Variants in ARHGEF10L observed in about 807,000 individuals in gnomAD.
The protein encoded by ARHGEF10L is Rho guanine nucleotide exchange factor 10 like.
Under a neutral mutation model 141.2 loss-of-function variants are expected in ARHGEF10L, and 69 were observed. The ratio of observed to expected loss-of-function variants is 0.49; its 90% CI spans 0.40 to 0.60. The LOEUF (loss-of-function observed/expected upper bound fraction) is 0.60. Among genes scored for constraint, ARHGEF10L ranks in the 20% least tolerant of loss-of-function variants. The pLI is 0.00. For synonymous variants in ARHGEF10L, 711 were observed against 718.5 expected (o/e 0.99, Z 0.17); for missense variants, 1,482 against 1,734.3 (o/e 0.85, Z 2.58).
At chr1:17,554,427 C>T (rs1217220341) in intron 1 of ARHGEF10L, among the ~76,000 whole-genome samples, 1 of 151,904 alleles carries the variant, frequency 6.6e-6, no homozygotes, top group Admixed American at 6.6e-5. Flanking sequence ...GAAGAGTTTT[C>T]AGGGATCATC....
intron 1 of ARHGEF10L, among the ~76,000 whole-genome samples, chr1:17,554,710 G>T (rs751170896): frequency 6.6e-6 from 1 of 151,000 alleles, no homozygotes; most frequent in Admixed American, 6.6e-5. Flanking sequence ...CCACCTCAGC[G>T]TACCGAGTAA....
At chr1:17,692,507 TG>T (rs2102574858) in intron 27 of ARHGEF10L, among the ~76,000 whole-genome samples, 1 of 152,274 alleles carries the variant, frequency 6.6e-6, no homozygotes, top group African/African-American at 2.4e-5. Context: ...AGTGCTATCC[TG>T]GGTTCCTTCC....
chr1:17,599,995 C>T (rs940802080), intron 4 of ARHGEF10L, among the ~76,000 whole-genome samples: 5 of 152,230 alleles, frequency 3.3e-5, no homozygotes, highest in Non-Finnish European at 4.4e-5. Context: ...GGAGCATTCT[C>T]GCCACCACCA....
At chr1:17,602,685 G>A (rs915173348) in intron 5 of ARHGEF10L, among the ~76,000 whole-genome samples, 1 of 152,196 alleles carries the variant, frequency 6.6e-6, no homozygotes, top group African/African-American at 2.4e-5. Flanking sequence ...CATCTGTGGG[G>A]TGTGGGGGAG....
chr1:17,607,782 G>T lies in ARHGEF10L; in HGVS notation c.434-20G>T. The stretch of plus-strand genomic sequence containing the variant: ...CTTGGCCTCAGGGCCTGGGCTCACC[G>T]GCTGCCGCTTGGCCAGCAGGGGCAG... On this transcript the variant is annotated intron_variant, in intron 6 of 28. Coordinates refer to ENST00000361221, the MANE Select transcript of ARHGEF10L (RefSeq NM_018125.4). This position sits in a 1 kb window ranked among gnomAD's most constrained non-coding sequence, Gnocchi z 4.5. 6.5e-7 allele frequency: 1 copy of T among 1,540,358 alleles called. No individual in the cohort carries two copies. Among genetic ancestry groups the T allele is most frequent in the Non-Finnish European group, 8.7e-7 (1 of 1,147,594 alleles).
In ARHGEF10L at chr1:17,542,375, G is replaced by A. The variant is rs144969038; in HGVS notation, c.-44+2425G>A. On this transcript the variant is annotated intron_variant, in intron 1 of 28. Coordinates refer to ENST00000361221, the MANE Select transcript of ARHGEF10L (RefSeq NM_018125.4). ...GAGATGGGAGGATCACTTGAGCCTG[G>A]AAGTTCGAGGCTGCAGTGAGCTGTG... Among the ~76,000 whole-genome samples, 604 of 152,286 alleles carry A rather than the reference G, an allele frequency of 4.0e-3. 5 individuals are homozygous for A. Among genetic ancestry groups the A allele is most frequent in the African/African-American group, 0.014 (577 of 41,562 alleles).
At chr1:17,643,137 C>G (rs2061414892) in intron 21 of ARHGEF10L, among the ~76,000 whole-genome samples, 1 of 152,144 alleles carries the variant, frequency 6.6e-6, no homozygotes, top group South Asian at 2.1e-4. Context: ...TATTTTTTTT[C>G]TTTTTATCTG....
chr1:17,592,006 C>A (rs1318760476), intron 4 of ARHGEF10L, among the ~76,000 whole-genome samples: 1 of 152,216 alleles, frequency 6.6e-6, no homozygotes, highest in Non-Finnish European at 1.5e-5. Flanking sequence ...GGCCTGTCTG[C>A]CCTCAAAGCT....
intron 6 of ARHGEF10L, among the ~76,000 whole-genome samples, chr1:17,605,357 T>G (rs544203132): frequency 2.0e-5 from 3 of 152,308 alleles, no homozygotes; most frequent in South Asian, 2.1e-4. Flanking sequence ...TTGACCCATC[T>G]GTAGAACTGG....
At chr1:17,638,712 G>A (rs1343513284) in intron 20 of ARHGEF10L, 23 bp downstream of exon 20, 1 of 1,612,994 alleles carries the variant, frequency 6.2e-7, no homozygotes, top group Non-Finnish European at 8.5e-7. Context: ...GGTCTTGGAG[G>A]GAGGGCTGCT....
At chr1:17,538,736 A>C (rs1307893629), upstream of ARHGEF10L, among the ~76,000 whole-genome samples, 1 of 151,846 alleles carries the variant, frequency 6.6e-6, no homozygotes, top group Non-Finnish European at 1.5e-5. Flanking sequence ...TGTGGGCTGT[A>C]AGGAACACAA....
Position 17,654,119 on chromosome 1 carries a change from G to A in ARHGEF10L, c.2395-517G>A, listed in dbSNP as rs1364683325. Among the ~76,000 whole-genome samples the A allele has an allele frequency of 6.6e-6, 1 of 152,232 alleles. No homozygotes were observed. Among genetic ancestry groups the A allele is most frequent in the Non-Finnish European group, 1.5e-5 (1 of 68,046 alleles). ...GGGACTGACCAGGTCTAGCTCAGGA[G>A]ACAGGCCTCAGAGAGAGGCCACCCA... On this transcript the variant is annotated intron_variant, in intron 22 of 28. Coordinates refer to ENST00000361221, the MANE Select transcript of ARHGEF10L (RefSeq NM_018125.4). The surrounding 1 kb of genome is among the most constrained non-coding windows in gnomAD (Gnocchi z 4.3).
Position 17,623,079 on chromosome 1 carries a change from G to A in ARHGEF10L, c.1104G>A (p.Glu368=). The part of the protein sequence containing the change: ...KCQVVFFRVK[E]ILHCHSMFQI... ...AGGTGGTGTTCTTCCGCGTGAAGGA[G>A]ATCCTGCACTGCCACTCCATGTTCC... Residue 368 remains glutamate (E), a synonymous_variant, in exon 12 of 29, where the codon GAG becomes GAA. Transcript: ENST00000361221. The surrounding 1 kb of genome is among the most constrained non-coding windows in gnomAD (Gnocchi z 4.7). 1 of 1,614,196 alleles carries A rather than the reference G, an allele frequency of 6.2e-7. No individual in the cohort carries two copies.
rs776421443 is a variant in ARHGEF10L, at chr1:17,616,115, G to A, written c.748G>A (p.Ala250Thr). ...TCAGATGACCCAGCTCATGAAGGCCGCCAAGAGCGGGACCAAGGATGGGCT... is the reference window on the plus strand; with the variant it reads ...TCAGATGACCCAGCTCATGAAGGCCACCAAGAGCGGGACCAAGGATGGGCT... The part of the protein sequence containing the change: ...DCKMTQLMKA[A>T]KSGTKDGLEK... The change falls in exon 9 of 29, where the codon GCC (alanine) becomes ACC (threonine). Residue 250 changes from alanine (A) to threonine (T), a missense_variant. By Grantham distance (58) the Ala-to-Thr change is moderately conservative. Coordinates refer to ENST00000361221, the MANE Select transcript of ARHGEF10L (RefSeq NM_018125.4). The A allele has an allele frequency of 5.0e-6, 8 of 1,613,624 alleles. No homozygotes were observed. The highest frequency in any genetic ancestry group is 1.7e-5 in the Admixed American group (1 of 60,012).
At chr1:17,598,633 G>A (rs1044456847) in intron 4 of ARHGEF10L, among the ~76,000 whole-genome samples, 6 of 152,242 alleles carry the variant, frequency 3.9e-5, no homozygotes, top group African/African-American at 7.2e-5. Context: ...AGGCCCCACC[G>A]CCTAATACTA....
At chr1:17,522,757 G>C in the ARHGEF10L span, among the ~76,000 whole-genome samples, 3 of 151,940 alleles carry the variant, frequency 2.0e-5, no homozygotes, top group Admixed American at 6.6e-5. Context: ...GGGACTTTCA[G>C]GGGGGTGACT....
rs2077404627 is a variant in ARHGEF10L at position 17,558,033 on chromosome 1, T to C, written c.-44+18083T>C. On this transcript the variant is annotated intron_variant, in intron 1 of 28. Transcript: ENST00000361221. This position sits in a 1 kb window ranked among gnomAD's most constrained non-coding sequence, Gnocchi z 4.2. ...CACCATCCACCCACTCGCCCATTCA[T>C]TCATCTCTCCATTCATTTACCCACC... Among the ~76,000 whole-genome samples the C allele has an allele frequency of 1.3e-5, 2 of 152,104 alleles. No individual in the cohort carries two copies. Among genetic ancestry groups the C allele is most frequent in the African/African-American group, 2.4e-5 (1 of 41,408 alleles).
intron 26 of ARHGEF10L, among the ~76,000 whole-genome samples, chr1:17,682,633 A>G (rs2064214402): frequency 6.6e-6 from 1 of 152,106 alleles, no homozygotes; most frequent in Non-Finnish European, 1.5e-5. Flanking sequence ...CTAGTGTATA[A>G]ACCTAACAGC....
the ARHGEF10L span, among the ~76,000 whole-genome samples, chr1:17,532,663 C>T: frequency 6.7e-6 from 1 of 148,498 alleles, no homozygotes; most frequent in Non-Finnish European, 1.5e-5. Context: ...GGCGTGATCT[C>T]GGCTCACTGC....
Sources: allele counts gnomAD v4.1 joint callset (sites outside exome capture counted in the v4.1 genomes callset), GRCh38; gene constraint gnomAD v4.1.1; non-coding constraint Gnocchi (gnomAD v3.1); transcripts MANE v1.5; gene names NCBI Gene and HGNC (gene_info 2026-07-23, HGNC 2026-07-21).